The following VTI1A variants were observed in gnomAD, a reference collection of about 807,000 sequenced individuals.
VTI1A encodes the protein vesicle transport through interaction with t-SNAREs homolog 1A.
In VTI1A, 22 loss-of-function variants were observed where a neutral mutation model predicts 34.9. The ratio of observed to expected loss-of-function variants is 0.63; its 90% CI spans 0.45 to 0.90. The LOEUF is 0.90. Among genes scored for constraint, VTI1A ranks in the 40% least tolerant of loss-of-function variants. The probability of loss-of-function intolerance (pLI) is 0.00; values close to 1 mark genes in which losing one functional copy is unlikely to be tolerated. For synonymous variants in VTI1A, 87 were observed against 97.3 expected (o/e 0.89, Z 0.62); for missense variants, 268 against 275.6 (o/e 0.97, Z 0.20).
chr10:112,854,094 A>C, the VTI1A span, among the ~76,000 whole-genome samples: 4 of 152,132 alleles, frequency 2.6e-5, no homozygotes, highest in African/African-American at 9.7e-5. Flanking sequence ...CTGGGTCCTC[A>C]TATGATACTG....
intron 3 of VTI1A, among the ~76,000 whole-genome samples, chr10:112,508,311 T>C (rs1338299830): frequency 6.6e-6 from 1 of 152,208 alleles, no homozygotes; most frequent in African/African-American, 2.4e-5. Context: ...TGCTGAGCAC[T>C]CTTTATTTTT....
chr10:112,447,370 C>T lies in VTI1A; in HGVS notation c.-4C>T, dbSNP rs1846889113. 5.0e-6 allele frequency: 8 copies of T among 1,612,840 alleles called. No homozygotes were observed. The East Asian group carries it at 1.1e-4, about 22-fold the overall frequency. ...TGGCCTGGGCTACTCGTTCCGGAGC[C>T]GCCATGTCGTCCGACTTCGAAGGTT... On this transcript the variant is annotated 5_prime_UTR_variant, in exon 1 of 8. Transcript: ENST00000393077.
intron 1 of VTI1A, among the ~76,000 whole-genome samples, chr10:112,447,686 T>A (rs962603341): frequency 7.9e-5 from 12 of 152,070 alleles, no homozygotes; most frequent in Non-Finnish European, 1.2e-4. Flanking sequence ...GCCATCTGAG[T>A]TCGAATCCCG....
At chr10:112,480,634 G>C (rs1848431031) in intron 3 of VTI1A, among the ~76,000 whole-genome samples, 1 of 152,164 alleles carries the variant, frequency 6.6e-6, no homozygotes, top group African/African-American at 2.4e-5. Context: ...GGAGGATAAG[G>C]AGGAATTTGA....
intron 7 of VTI1A, among the ~76,000 whole-genome samples, chr10:112,751,805 TGAG>T (rs771319568): frequency 6.6e-6 from 1 of 152,156 alleles, no homozygotes; most frequent in Non-Finnish European, 1.5e-5. Context: ...CCTGCAGAGG[TGAG>T]GAGTTGATCT....
chr10:112,455,772 A>G (rs551387448), intron 1 of VTI1A, among the ~76,000 whole-genome samples: 1 of 151,898 alleles, frequency 6.6e-6, no homozygotes, highest in East Asian at 2.0e-4. Context: ...CAATCAAAGA[A>G]TGTCTCAGTT....
At chr10:112,495,416 G>A (rs1041496390) in intron 3 of VTI1A, among the ~76,000 whole-genome samples, 1 of 152,056 alleles carries the variant, frequency 6.6e-6, no homozygotes, top group Admixed American at 6.6e-5. Context: ...AGGAATTAAG[G>A]ATAAAGTCCC....
chr10:112,716,715 G>A (rs1849624852), intron 7 of VTI1A, among the ~76,000 whole-genome samples: 1 of 152,148 alleles, frequency 6.6e-6, no homozygotes, highest in South Asian at 2.1e-4. Flanking sequence ...AATACTCACT[G>A]GAGCACTTTG....
chr10:112,647,080 T>C (rs574405742), intron 5 of VTI1A, among the ~76,000 whole-genome samples: 59 of 152,298 alleles, frequency 3.9e-4, no homozygotes, highest in South Asian at 2.1e-4. Flanking sequence ...TTAACCTTTC[T>C]GGAAGAGTTC....
chr10:112,811,432 C>T (rs576679654), intron 7 of VTI1A, among the ~76,000 whole-genome samples: 5 of 152,192 alleles, frequency 3.3e-5, no homozygotes, highest in African/African-American at 1.2e-4. Flanking sequence ...CGGTGGCTCA[C>T]GCCTGTAATC....
chr10:112,462,961 A>G (rs924388262), intron 2 of VTI1A, among the ~76,000 whole-genome samples: 2 of 151,780 alleles, frequency 1.3e-5, no homozygotes, highest in Admixed American at 1.3e-4. Context: ...GTCTCGCTCC[A>G]TCGCCCAGGC....
intron 7 of VTI1A, among the ~76,000 whole-genome samples, chr10:112,682,588 A>G (rs1326108694): frequency 1.3e-5 from 2 of 152,172 alleles, no homozygotes; most frequent in Admixed American, 6.5e-5. Flanking sequence ...AAGATGAAAA[A>G]TTATTTACCT....
chr10:112,665,922 C>A (rs1179046773), intron 5 of VTI1A, among the ~76,000 whole-genome samples: 1 of 152,082 alleles, frequency 6.6e-6, no homozygotes, highest in Non-Finnish European at 1.5e-5. Flanking sequence ...TACCATCAAT[C>A]TGAACAGGAG....
intron 5 of VTI1A, among the ~76,000 whole-genome samples, chr10:112,603,801 C>T (rs529075669): frequency 5.3e-4 from 80 of 152,186 alleles, no homozygotes; most frequent in Non-Finnish European, 9.3e-4. Flanking sequence ...CCCCACCCCA[C>T]CCAAGCGTAC....
intron 2 of VTI1A, among the ~76,000 whole-genome samples, chr10:112,462,998 C>A (rs1847779607): frequency 6.6e-6 from 1 of 152,096 alleles, no homozygotes; most frequent in Admixed American, 6.5e-5. Context: ...GATCTCGGCT[C>A]ACTGCAACCT....
chr10:112,621,139 A>G (rs1173779817), intron 5 of VTI1A, among the ~76,000 whole-genome samples: 1 of 152,196 alleles, frequency 6.6e-6, no homozygotes, highest in Admixed American at 6.5e-5. Context: ...CTCTAAGCAG[A>G]TAGCTACATG....
At chr10:112,459,234 A>ATC (rs913572633) in intron 1 of VTI1A, among the ~76,000 whole-genome samples, 6 of 151,852 alleles carry the variant, frequency 4.0e-5, no homozygotes, top group South Asian at 2.1e-4. Context: ...AACTAACTAT[A>ATC]TCTCTCTCTC....
intron 7 of VTI1A, among the ~76,000 whole-genome samples, chr10:112,678,743 A>G (rs1848115340): frequency 6.6e-6 from 1 of 152,214 alleles, no homozygotes; most frequent in Admixed American, 6.5e-5. Context: ...TGCACAGTGC[A>G]GGTGGTCGAG....
At chr10:112,630,946 A>T (rs772056503) in intron 5 of VTI1A, among the ~76,000 whole-genome samples, 3 of 151,972 alleles carry the variant, frequency 2.0e-5, no homozygotes, top group Admixed American at 1.3e-4. Context: ...ATATGATGAA[A>T]CCCCGTCTCT....
Sources: allele counts gnomAD v4.1 joint callset (sites outside exome capture counted in the v4.1 genomes callset), GRCh38; gene constraint gnomAD v4.1.1; transcripts MANE v1.5; gene names NCBI Gene and HGNC (gene_info 2026-07-23, HGNC 2026-07-21).